ERCC5: variants seen among roughly 807,000 people sequenced by gnomAD.
ERCC5 encodes the protein DNA excision repair protein ERCC-5.
ERCC5 carries 68 observed loss-of-function variants against 105.6 expected under a neutral mutation model. The observed-to-expected ratio is 0.64, with a 90% confidence interval of 0.53 to 0.79. The LOEUF (loss-of-function observed/expected upper bound fraction) is 0.79. Among genes scored for constraint, ERCC5 ranks in the 30% least tolerant of loss-of-function variants. The probability of loss-of-function intolerance (pLI) is 0.00; values close to 1 mark genes in which losing one functional copy is unlikely to be tolerated. For missense variants in ERCC5, 1,373 were observed against 1,426.7 expected, an observed-to-expected ratio of 0.96 and a Z score of 0.61; for synonymous variants, 546 against 526.2, an observed-to-expected ratio of 1.04 and a Z score of -0.51.
chr13:102,846,429 C>T, intron 1 of ERCC5, 75 bp downstream of exon 1: 3 of 1,293,558 alleles, frequency 2.3e-6, no homozygotes, highest in Non-Finnish European at 3.3e-6. Context: ...CTGCCTTGGG[C>T]ACAGTGGCAT....
chr13:102,873,492 AAAAG>A, intron 14 of ERCC5, 149 bp downstream of exon 14: 1 of 925,440 alleles, frequency 1.1e-6, no homozygotes, highest in Non-Finnish European at 1.6e-6. Flanking sequence ...AGAAAATAGA[AAAAG>A]AAAAGTTAGA....
chr13:102,853,951 T>C (rs1477037346), intron 3 of ERCC5, 79 bp downstream of exon 3: 1 of 1,376,500 alleles, frequency 7.3e-7, no homozygotes, highest in African/African-American at 1.4e-5. Context: ...CGATTCTCTT[T>C]CCCTATCTAA....
intron 6 of ERCC5, among the ~76,000 whole-genome samples, chr13:102,859,232 C>T (rs4150301): frequency 2.0e-5 from 3 of 152,146 alleles, no homozygotes; most frequent in Admixed American, 6.5e-5. Flanking sequence ...AGGACAGAAT[C>T]GAAATTTTGC....
intron 14 of ERCC5, 115 bp downstream of exon 14, chr13:102,873,458 G>A: frequency 8.5e-7 from 1 of 1,182,530 alleles, no homozygotes; most frequent in Non-Finnish European, 1.2e-6. Flanking sequence ...TTTGAAATTA[G>A]GATAATTTAG....
chr13:102,848,430 C>T (rs1265446358), intron 1 of ERCC5, among the ~76,000 whole-genome samples: 1 of 152,148 alleles, frequency 6.6e-6, no homozygotes, highest in African/African-American at 2.4e-5. Context: ...GTCTAAATGT[C>T]TGTGTCAAAT....
rs767489315 is a variant in ERCC5 at position 102,861,725 on chromosome 13, C to T, written c.880+11C>T. On this transcript the variant is annotated intron_variant, in intron 7 of 14. Transcript: ENST00000652225. ...ACATCTTGATAAAAGGTATCAGGCA[C>T]CATCATTTATATATTTACATTAAAA... The T allele has an allele frequency of 3.1e-6, 5 of 1,613,906 alleles. No individual in the cohort carries two copies. The highest frequency in any genetic ancestry group is 1.1e-5 in the South Asian group (1 of 91,060).
At chr13:102,852,932 A>G (rs1185688955) in intron 2 of ERCC5, among the ~76,000 whole-genome samples, 2 of 152,126 alleles carry the variant, frequency 1.3e-5, no homozygotes, top group African/African-American at 4.8e-5. Flanking sequence ...AATGACATAA[A>G]ATAATGTTTA....
At position 102,861,575 on chromosome 13, in the gene ERCC5, A is replaced by G; in HGVS notation, c.741A>G (p.Ile247Met). 1 of 1,614,202 alleles carries G rather than the reference A, an allele frequency of 6.2e-7. No individual in the cohort carries two copies. Among genetic ancestry groups the G allele is most frequent in the Non-Finnish European group, 8.5e-7 (1 of 1,180,024 alleles). Residue 247 changes from isoleucine (I) to methionine (M), a missense_variant, in exon 7 of 15, where the codon ATA becomes ATG. This residue lies in a region of ERCC5 where 1,004 missense variants were observed against 1,059.7 expected (regional missense o/e 0.95). Transcript: ENST00000652225. The stretch of plus-strand genomic sequence containing the variant: ...AAAAGAACTATCTGAACCAGCATAT[A>G]GAACATGTCCAAAAGGAAATGAATC... ...LLKKNYLNQH[I>M]EHVQKEMNQQ...
intron 2 of ERCC5, 147 bp from the exon 3 acceptor site, chr13:102,853,610 T>A (rs1457230123): frequency 1.3e-6 from 1 of 754,694 alleles, no homozygotes; most frequent in East Asian, 2.7e-5. Flanking sequence ...CCTGAAGATA[T>A]ACACTGATAT....
intron 4 of ERCC5, 104 bp downstream of exon 4, chr13:102,854,478 T>TA: frequency 8.7e-7 from 1 of 1,152,176 alleles, no homozygotes; most frequent in Middle Eastern, 2.3e-4. Context: ...GAACATTTCT[T>TA]AATGCATCTG....
intron 14 of ERCC5, among the ~76,000 whole-genome samples, chr13:102,873,684 A>G (rs1034220807): frequency 6.6e-6 from 1 of 152,156 alleles, no homozygotes; most frequent in East Asian, 1.9e-4. Context: ...CTTCAAAGCA[A>G]TTCTGATCAT....
rs1882784856 is a variant in ERCC5 at position 102,865,006 on chromosome 13, A to T, written c.1955-661A>T. 6.5e-6 allele frequency: 1 copy of T among 153,922 alleles called. No homozygotes were observed. Among genetic ancestry groups the T allele is most frequent in the Admixed American group, 6.4e-5 (1 of 15,554 alleles). The allele number at this position is 153,922 out of a possible 1,614,324, so 9.5% of individuals were successfully genotyped here. On this transcript the variant is annotated intron_variant, in intron 8 of 14. Transcript: ENST00000652225. The surrounding 1 kb of genome is among the most constrained non-coding windows in gnomAD (Gnocchi z 4.0). The stretch of plus-strand genomic sequence containing the variant: ...TCTGCTTATTCTCCCTGGATATGTA[A>T]CCATCTCCCCCTCCCACTGGCCTCC...
intron 4 of ERCC5, among the ~76,000 whole-genome samples, chr13:102,855,666 G>T (rs1196265306): frequency 6.6e-6 from 1 of 152,012 alleles, no homozygotes; most frequent in Non-Finnish European, 1.5e-5. Flanking sequence ...TTTCTATATG[G>T]TCATACAACT....
chr13:102,866,050 G>A lies in ERCC5; in HGVS notation c.2199+139G>A, dbSNP rs890774091. 5 of 1,537,162 alleles carry A rather than the reference G, an allele frequency of 3.3e-6. No individual in the cohort carries two copies. The African/African-American group carries it at 6.8e-5, about 21-fold the overall frequency. ...TGGTTGCTGATGGCTTCATTTTTGT[G>A]TAGGTTACTGGCTGGGATAGACTCC... On this transcript the variant is annotated intron_variant, in intron 9 of 14. Coordinates refer to ENST00000652225, the MANE Select transcript of ERCC5 (RefSeq NM_000123.4).
rs760395162 is a variant in ERCC5 at position 102,875,746 on chromosome 13, A to T, written c.3404A>T (p.Glu1135Val). 4 of 1,614,206 alleles carry T rather than the reference A, an allele frequency of 2.5e-6. 1 individual carries two copies. The highest frequency in any genetic ancestry group is 3.4e-6 in the Non-Finnish European group (4 of 1,180,038). The change falls in exon 15 of 15, where the codon GAA becomes GTA. Residue 1135 changes from glutamate (E) to valine (V), a missense_variant. Glu to Val is a moderately radical substitution (Grantham distance 121, BLOSUM62 -2). Coordinates refer to ENST00000652225, the MANE Select transcript of ERCC5 (RefSeq NM_000123.4). ...SASDSQNSVKEAPVKNGGATT... is the reference protein window; with the variant it reads ...SASDSQNSVKVAPVKNGGATT... ...TCAGATTCGCAGAACTCAGTGAAGG[A>T]AGCTCCCGTGAAGAATGGAGGTGCG...
At chr13:102,858,443 T>C (rs758352555) in intron 6 of ERCC5, 25 bp downstream of exon 6, 2 of 1,614,032 alleles carry the variant, frequency 1.2e-6, no homozygotes, top group Admixed American at 1.7e-5. Flanking sequence ...AGTACATTCA[T>C]GCTTAGAATT....
At chr13:102,869,977 G>A (rs1487027773) in intron 12 of ERCC5, among the ~76,000 whole-genome samples, 1 of 152,186 alleles carries the variant, frequency 6.6e-6, no homozygotes, top group Non-Finnish European at 1.5e-5. Context: ...CCTCCAGCTC[G>A]TTGATGCCAG....
chr13:102,846,718 T>A (rs1595373355), intron 1 of ERCC5, among the ~76,000 whole-genome samples: 1 of 152,212 alleles, frequency 6.6e-6, no homozygotes, highest in Non-Finnish European at 1.5e-5. Flanking sequence ...TATTTTAAAA[T>A]TTTTTGTAGT....
intron 10 of ERCC5, 116 bp downstream of exon 10, chr13:102,866,497 T>A: frequency 6.2e-7 from 1 of 1,602,710 alleles, no homozygotes; most frequent in Non-Finnish European, 8.5e-7. Flanking sequence ...GTGATGCCGT[T>A]CCCTGGGGGT....
Sources: gnomAD v4.1 joint callset for allele counts (sites outside exome capture counted in the v4.1 genomes callset) on GRCh38, gnomAD v4.1.1 for gene constraint, gnomAD v4.1.1 regional missense constraint, Gnocchi (gnomAD v3.1) non-coding constraint, MANE v1.5 for transcripts, NCBI Gene and HGNC (gene_info 2026-07-23, HGNC 2026-07-21) for gene names.